The following ETS1 variants were observed in gnomAD, a reference collection of about 807,000 sequenced individuals.
ETS1 encodes the protein ETS proto-oncogene 1, transcription factor.
In ETS1, 15 loss-of-function variants were observed where a neutral mutation model predicts 58.6. The ratio of observed to expected loss-of-function variants is 0.26; its 90% CI spans 0.17 to 0.39. The LOEUF is 0.39. Ranked by LOEUF, ETS1 falls within the 10% of genes least tolerant of loss-of-function variation. The pLI, the probability that ETS1 is intolerant of heterozygous loss-of-function variation, is 1.00. For missense variants in ETS1, 417 were observed against 610.5 expected (o/e 0.68, Z 3.34); for synonymous variants, 214 against 218.2 (o/e 0.98, Z 0.17).
At chr11:128,569,585 C>T (rs1864585596) in intron 2 of ETS1, among the ~76,000 whole-genome samples, 1 of 151,894 alleles carries the variant, frequency 6.6e-6, no homozygotes, top group African/African-American at 2.4e-5. Flanking sequence ...GTGCCAATGT[C>T]CTAAGGTTAT....
intron 3 of ETS1, among the ~76,000 whole-genome samples, chr11:128,519,771 C>T (rs1465060892): frequency 1.3e-5 from 2 of 152,182 alleles, no homozygotes; most frequent in Non-Finnish European, 2.9e-5. Context: ...TGGCTCACTA[C>T]ATATTTTTAT....
intron 3 of ETS1, among the ~76,000 whole-genome samples, chr11:128,509,550 A>ATT (rs59753000): frequency 1.1e-4 from 10 of 95,106 alleles, no homozygotes; most frequent in African/African-American, 3.8e-4. Flanking sequence ...TCAGGTGAAA[A>ATT]TTTTTTTTTT....
intron 7 of ETS1, among the ~76,000 whole-genome samples, chr11:128,481,958 T>C (rs964361928): frequency 6.6e-6 from 1 of 152,184 alleles, no homozygotes; most frequent in Non-Finnish European, 1.5e-5. Context: ...GTCATCCGTT[T>C]CATCTCATTC....
intron 3 of ETS1, among the ~76,000 whole-genome samples, chr11:128,554,239 C>T (rs1056026133): frequency 1.4e-4 from 21 of 152,276 alleles, no homozygotes; most frequent in Middle Eastern, 3.4e-3. Context: ...ACAACCATCA[C>T]ATTTGTGAAG....
chr11:128,569,320 T>TTTTTTTTTTTTTG, intron 2 of ETS1, among the ~76,000 whole-genome samples: 1 of 97,216 alleles, frequency 1.0e-5, no homozygotes, highest in African/African-American at 4.4e-5. Context: ...AGTTTCTTCT[T>TTTTTTTTTTTTTG]TTTTTTTTTT....
At chr11:128,507,608 G>T (rs528310805) in intron 3 of ETS1, among the ~76,000 whole-genome samples, 20 of 152,334 alleles carry the variant, frequency 1.3e-4, no homozygotes, top group Non-Finnish European at 2.1e-4. Context: ...AGAGGTGCAT[G>T]GTTCCTGCAG....
rs1402312838 is a variant in ETS1 at position 128,459,804 on chromosome 11, A to C, written c.*2557T>G. 7.9e-5 allele frequency: 12 copies of C among 152,704 alleles called. No individual in the cohort carries two copies. Among genetic ancestry groups the C allele is most frequent in the Admixed American group, 7.9e-4 (12 of 15,274 alleles). 9.5% of individuals were successfully genotyped at this position (152,704 alleles called of 1,614,324 possible). On this transcript the variant is annotated 3_prime_UTR_variant, in exon 10 of 10. Coordinates refer to ENST00000392668, the MANE Select transcript of ETS1 (RefSeq NM_001143820.2). ...TTAGAGAGAAAGGGAATTTTAGCAA[A>C]CAAGCGGGCGGAGGAGCACTAGGAG...
At chr11:128,560,047 A>C (rs1864379809) in intron 2 of ETS1, among the ~76,000 whole-genome samples, 1 of 152,228 alleles carries the variant, frequency 6.6e-6, no homozygotes, top group African/African-American at 2.4e-5. Context: ...TGATTGCCGA[A>C]AGGACCTAAC....
chr11:128,562,576 G>C (rs1038367448), intron 2 of ETS1, among the ~76,000 whole-genome samples: 1 of 152,168 alleles, frequency 6.6e-6, no homozygotes, highest in African/African-American at 2.4e-5. Flanking sequence ...GAGGCTACCA[G>C]AGGACATGAG....
intron 1 of ETS1, among the ~76,000 whole-genome samples, chr11:128,575,377 G>A (rs1385379014): frequency 2.0e-5 from 3 of 152,216 alleles, no homozygotes; most frequent in African/African-American, 4.8e-5. Context: ...TTGGTTGACG[G>A]AGAGTAACTG....
chr11:128,490,286 G>A (rs1280629987), intron 4 of ETS1, among the ~76,000 whole-genome samples, 171 bp downstream of exon 4: 2 of 152,182 alleles, frequency 1.3e-5, no homozygotes, highest in East Asian at 1.9e-4. Flanking sequence ...CAGGAGACGG[G>A]GCAGCCTCAG....
chr11:128,550,825 A>G (rs1158978483), intron 3 of ETS1, among the ~76,000 whole-genome samples: 2 of 152,216 alleles, frequency 1.3e-5, no homozygotes, highest in Non-Finnish European at 2.9e-5. Context: ...CTTGTCCTAG[A>G]AAATAGTTGG....
At position 128,479,279 on chromosome 11, in the gene ETS1, G is replaced by A. The variant is rs547210447; in HGVS notation, c.1123+912C>T. Reference sequence around the variant, plus strand: ...CCCTACATGAAAACATATCCAGGGTGGAGAGAATTATAAGAGAATAAAGGC... The same window carrying A: ...CCCTACATGAAAACATATCCAGGGTAGAGAGAATTATAAGAGAATAAAGGC... On this transcript the variant is annotated intron_variant, in intron 8 of 9. Transcript: ENST00000392668. Among the ~76,000 whole-genome samples the A allele has an allele frequency of 2.0e-4, 30 of 152,290 alleles. 1 individual carries two copies. In the South Asian group the frequency reaches 6.2e-3, roughly 32 times the overall value.
At chr11:128,477,442 G>A (rs1384251921) in intron 8 of ETS1, among the ~76,000 whole-genome samples, 4 of 152,168 alleles carry the variant, frequency 2.6e-5, no homozygotes, top group Non-Finnish European at 4.4e-5. Flanking sequence ...GCCATTTATA[G>A]GCACTCTAGT....
intron 3 of ETS1, among the ~76,000 whole-genome samples, chr11:128,506,998 CG>C (rs1477779548): frequency 6.6e-6 from 1 of 152,120 alleles, no homozygotes; most frequent in Non-Finnish European, 1.5e-5. Flanking sequence ...AGGGCTCTTT[CG>C]CCCTCCAGTC....
rs537940140 is a variant in ETS1, at chr11:128,571,075, T to C, written c.69+1987A>G. Among the ~76,000 whole-genome samples the C allele has an allele frequency of 7.5e-4, 114 of 152,098 alleles. 1 individual carries two copies. Among genetic ancestry groups the C allele is most frequent in the Non-Finnish European group, 1.4e-3 (94 of 67,984 alleles). On this transcript the variant is annotated intron_variant, in intron 2 of 9. Transcript: ENST00000392668. Reference sequence around the variant, plus strand: ...AGAGATGTCTCAATCATCCTTAAAATGTGTCTTTTCCCTTGAACAGAATAG... The same window carrying C: ...AGAGATGTCTCAATCATCCTTAAAACGTGTCTTTTCCCTTGAACAGAATAG...
chr11:128,462,312 G>T lies in ETS1; in HGVS notation c.*49C>A. 1 of 1,405,694 alleles carries T rather than the reference G, an allele frequency of 7.1e-7. No individual in the cohort carries two copies. The highest frequency in any genetic ancestry group is 1.0e-6 in the Non-Finnish European group (1 of 996,910). The allele number at this position is 1,405,694 out of a possible 1,614,324, so 87.1% of individuals were successfully genotyped here. On this transcript the variant is annotated 3_prime_UTR_variant, in exon 10 of 10. Transcript: ENST00000392668. ...CAAAATTCAGAGTCCAACCAACACG[G>T]CTGTCCTTGGAAGGTCTCAGCAGGG...
intron 3 of ETS1, among the ~76,000 whole-genome samples, chr11:128,499,967 A>T (rs1185340026): frequency 6.6e-6 from 1 of 152,218 alleles, no homozygotes; most frequent in Non-Finnish European, 1.5e-5. Context: ...GCACTTTTGA[A>T]CTGTTTTCTC....
At chr11:128,519,111 A>G (rs1224170422) in intron 3 of ETS1, among the ~76,000 whole-genome samples, 1 of 152,254 alleles carries the variant, frequency 6.6e-6, no homozygotes, top group Non-Finnish European at 1.5e-5. Context: ...CACTGTTGCA[A>G]TCAAATAGCA....
Sources: gnomAD v4.1 joint callset for allele counts (sites outside exome capture counted in the v4.1 genomes callset) on GRCh38, gnomAD v4.1.1 for gene constraint, MANE v1.5 for transcripts, NCBI Gene and HGNC (gene_info 2026-07-23, HGNC 2026-07-21) for gene names.